Variants in DIAPH3 observed in about 807,000 individuals in gnomAD.
DIAPH3 encodes protein diaphanous homolog 3.
DIAPH3 carries 117 observed loss-of-function variants against 144.3 expected under a neutral mutation model. The ratio of observed to expected loss-of-function variants is 0.81; its 90% CI spans 0.70 to 0.95. DIAPH3 has a LOEUF of 0.95. Ranked by LOEUF, DIAPH3 falls within the 40% of genes least tolerant of loss-of-function variation. The pLI, the probability that DIAPH3 is intolerant of heterozygous loss-of-function variation, is 0.00. For synonymous variants in DIAPH3, 519 were observed against 488.9 expected (o/e 1.06, Z -0.81); for missense variants, 1,421 against 1,412.7 (o/e 1.01, Z -0.09).
intron 25 of DIAPH3, among the ~76,000 whole-genome samples, chr13:59,802,626 T>C (rs1481473166): frequency 1.4e-5 from 2 of 141,790 alleles, no homozygotes; most frequent in Admixed American, 7.2e-5. Context: ...AAGAACAGAG[T>C]CTATGACTTA....
At chr13:59,928,192 A>T (rs2047847642) in intron 17 of DIAPH3, among the ~76,000 whole-genome samples, 1 of 151,764 alleles carries the variant, frequency 6.6e-6, no homozygotes, top group Non-Finnish European at 1.5e-5. Context: ...TATATTTTTT[A>T]TTTCCTTTAT....
chr13:60,036,352 A>G (rs2141144017), intron 5 of DIAPH3, among the ~76,000 whole-genome samples: 1 of 151,810 alleles, frequency 6.6e-6, no homozygotes, highest in Non-Finnish European at 1.5e-5. Context: ...GAAATGGCCT[A>G]TATATATATA....
chr13:60,111,152 G>A (rs140594904), intron 3 of DIAPH3, among the ~76,000 whole-genome samples: 63 of 152,232 alleles, frequency 4.1e-4, no homozygotes, highest in African/African-American at 1.5e-3. Flanking sequence ...GGAGAAAAGT[G>A]CACTTTACGA....
chr13:59,915,250 A>G (rs1441366277), intron 19 of DIAPH3, among the ~76,000 whole-genome samples: 1 of 152,158 alleles, frequency 6.6e-6, no homozygotes, highest in Non-Finnish European at 1.5e-5. Context: ...GAGTAGCTGA[A>G]TCAGGTAGTT....
chr13:59,963,192 C>T (rs77883961), intron 17 of DIAPH3, among the ~76,000 whole-genome samples: 41 of 152,190 alleles, frequency 2.7e-4, no homozygotes, highest in East Asian at 1.2e-3. Flanking sequence ...CAGATGCCAA[C>T]GCACATGTGA....
intron 27 of DIAPH3, among the ~76,000 whole-genome samples, chr13:59,714,280 A>G (rs1350490806): frequency 6.7e-6 from 1 of 148,470 alleles, no homozygotes; most frequent in East Asian, 2.0e-4. Flanking sequence ...GAATGGCGTG[A>G]ACCCGGGAGG....
chr13:59,893,563 G>A (rs528139589), intron 20 of DIAPH3, among the ~76,000 whole-genome samples: 15 of 151,884 alleles, frequency 9.9e-5, no homozygotes, highest in Admixed American at 2.0e-4. Flanking sequence ...ATTCCAGCCA[G>A]CTAATGGTTT....
In DIAPH3 at chr13:59,852,072, A is replaced by G. The variant is rs150525634; in HGVS notation, c.2737+9335T>C. Among the ~76,000 whole-genome samples the G allele has an allele frequency of 2.2e-3, 336 of 152,322 alleles. 1 individual carries two copies. Among genetic ancestry groups the G allele is most frequent in the Admixed American group, 3.8e-3 (58 of 15,294 alleles). ...AGTCCTTTCCTTATAGAGTCAAAAC[A>G]TATCAAAAACTACTAATTAACACTA... On this transcript the variant is annotated intron_variant, in intron 22 of 27. Transcript: ENST00000400324.
At chr13:59,921,919 G>A (rs2047537844) in intron 18 of DIAPH3, among the ~76,000 whole-genome samples, 2 of 152,040 alleles carry the variant, frequency 1.3e-5, no homozygotes, top group African/African-American at 4.8e-5. Flanking sequence ...ATCAGTAAAT[G>A]TGACACACCC....
intron 4 of DIAPH3, among the ~76,000 whole-genome samples, chr13:60,076,495 A>G (rs1163924962): frequency 6.6e-6 from 1 of 152,098 alleles, no homozygotes; most frequent in Non-Finnish European, 1.5e-5. Context: ...TTCTGTCAAA[A>G]CGTTGACATA....
At position 60,109,362 on chromosome 13, in the gene DIAPH3, T is replaced by C. The variant is rs540531771; in HGVS notation, c.390+2648A>G. 2.6e-5 allele frequency among the ~76,000 whole-genome samples: 4 copies of C among 152,290 alleles called. No individual in the cohort carries two copies. In the South Asian group the frequency reaches 8.3e-4, roughly 32 times the overall value. On this transcript the variant is annotated intron_variant, in intron 3 of 27. Transcript: ENST00000400324. ...TGTTACGGCAGCAATAGGAAACTAA[T>C]ACAACACTCTAGGAAACCAATAGAT...
rs146395125 is a variant in DIAPH3 at position 59,980,237 on chromosome 13, A to G, written c.1545+558T>C. 4.6e-4 allele frequency among the ~76,000 whole-genome samples: 70 copies of G among 151,784 alleles called. 1 individual carries two copies. In the East Asian group the frequency reaches 0.013, roughly 27 times the overall value. ...TGACCTATGAAAATGGCAATTTTAT[A>G]AAGTTCAACTTAATATAATGAAGCA... On this transcript the variant is annotated intron_variant, in intron 14 of 27. Coordinates refer to ENST00000400324, the MANE Select transcript of DIAPH3 (RefSeq NM_001042517.2).
chr13:59,754,982 A>G lies in DIAPH3; in HGVS notation c.3319+19207T>C, dbSNP rs368038704. 3.6e-4 allele frequency among the ~76,000 whole-genome samples: 55 copies of G among 152,324 alleles called. 1 individual carries two copies. The South Asian group carries it at 0.011, about 31-fold the overall frequency. On this transcript the variant is annotated intron_variant, in intron 27 of 27. Coordinates refer to ENST00000400324, the MANE Select transcript of DIAPH3 (RefSeq NM_001042517.2). The stretch of plus-strand genomic sequence containing the variant: ...AAGGTTACACAGCTAGTAAAGTGGC[A>G]ACCTACATCATTAACTTCTTTTCTA...
In DIAPH3 at chr13:59,879,152, T is replaced by C. The variant is rs562749982; in HGVS notation, c.2607+77A>G. 2.8e-5 allele frequency: 44 copies of C among 1,586,796 alleles called. No homozygotes were observed. In the South Asian group the frequency reaches 4.9e-4, roughly 18 times the overall value. The stretch of plus-strand genomic sequence containing the variant: ...ATGAGCACATCAAAATAAAAAAATA[T>C]TTAAATAATGCAATCAGGGCTGACA... On this transcript the variant is annotated intron_variant, in intron 21 of 27. Coordinates refer to ENST00000400324, the MANE Select transcript of DIAPH3 (RefSeq NM_001042517.2).
intron 25 of DIAPH3, among the ~76,000 whole-genome samples, chr13:59,787,646 G>A (rs370666114): frequency 1.3e-5 from 2 of 152,074 alleles, no homozygotes; most frequent in East Asian, 1.9e-4. Context: ...GCATTCCCTC[G>A]GTCTGATTTT....
intron 20 of DIAPH3, among the ~76,000 whole-genome samples, chr13:59,885,947 G>A (rs2140096686): frequency 6.6e-6 from 1 of 152,114 alleles, no homozygotes; most frequent in East Asian, 1.9e-4. Flanking sequence ...GTTGTTTTAA[G>A]CCACCAAGAT....
chr13:59,891,980 G>A (rs1317861123), intron 20 of DIAPH3, among the ~76,000 whole-genome samples: 3 of 151,838 alleles, frequency 2.0e-5, no homozygotes, highest in Non-Finnish European at 4.4e-5. Flanking sequence ...GTCAAACACT[G>A]ATTTAGGACC....
At chr13:59,687,256 C>T (rs965652955) in intron 27 of DIAPH3, among the ~76,000 whole-genome samples, 1 of 152,062 alleles carries the variant, frequency 6.6e-6, no homozygotes, top group Non-Finnish European at 1.5e-5. Flanking sequence ...ACTGAGCCAT[C>T]CTGACAGTTC....
intron 4 of DIAPH3, among the ~76,000 whole-genome samples, chr13:60,045,735 G>A (rs983042078): frequency 2.6e-5 from 4 of 152,056 alleles, no homozygotes; most frequent in East Asian, 1.9e-4. Flanking sequence ...ATTTATTACC[G>A]AAAAACTTGC....
Sources: allele counts gnomAD v4.1 joint callset (sites outside exome capture counted in the v4.1 genomes callset), GRCh38; gene constraint gnomAD v4.1.1; transcripts MANE v1.5; gene names NCBI Gene and HGNC (gene_info 2026-07-23, HGNC 2026-07-21).